The following OPCML variants were observed in gnomAD, a reference collection of about 807,000 sequenced individuals.
OPCML encodes opioid binding protein/cell adhesion molecule like.
In OPCML, 13 loss-of-function variants were observed where a neutral mutation model predicts 37.8. That is an observed-to-expected ratio of 0.34 (90% CI 0.22 to 0.55). The LOEUF (loss-of-function observed/expected upper bound fraction) is 0.55, where lower values mean the gene tolerates loss of function less well. Ranked by LOEUF, OPCML falls within the 20% of genes least tolerant of loss-of-function variation. The probability of loss-of-function intolerance (pLI) is 0.91; values close to 1 mark genes in which losing one functional copy is unlikely to be tolerated. For synonymous variants in OPCML, 176 were observed against 168.8 expected (o/e 1.04, Z -0.33); for missense variants, 341 against 435.6 (o/e 0.78, Z 1.93).
At chr11:132,501,880 T>TA (rs2096246414) in intron 4 of OPCML, among the ~76,000 whole-genome samples, 1 of 152,224 alleles carries the variant, frequency 6.6e-6, no homozygotes, top group Non-Finnish European at 1.5e-5. Flanking sequence ...TCCTATCTGC[T>TA]ATATCTTGAA....
Position 133,377,444 on chromosome 11 carries a change from G to C in OPCML, c.61+154820C>G, listed in dbSNP as rs141114417. Among the ~76,000 whole-genome samples, 27 of 151,928 alleles carry C rather than the reference G, an allele frequency of 1.8e-4. No individual in the cohort carries two copies. The East Asian group carries it at 5.1e-3, about 28-fold the overall frequency. ...GCCGATTGAAGATACCAGGATGGCA[G>C]GCAAAGGCAAGATGTGGGAAGGATG... is the stretch of plus-strand genomic sequence containing the variant. On this transcript the variant is annotated intron_variant, in intron 1 of 7. Transcript: ENST00000524381.
chr11:132,848,467 C>T (rs990360467), intron 2 of OPCML, among the ~76,000 whole-genome samples: 5 of 152,176 alleles, frequency 3.3e-5, no homozygotes, highest in African/African-American at 9.7e-5. Context: ...TGTGGATGCA[C>T]GCAGAATATT....
In OPCML at chr11:132,680,406, C is replaced by T. The variant is rs1285659802; in HGVS notation, c.147-23087G>A. Among the ~76,000 whole-genome samples the T allele has an allele frequency of 2.0e-5, 3 of 152,162 alleles. No individual in the cohort carries two copies. The East Asian group carries it at 5.8e-4, about 29-fold the overall frequency. The stretch of plus-strand genomic sequence containing the variant: ...CTCCCAGATTGGAGAGAAACCCACC[C>T]CTTGAAGAAGTGCTAAAACATATCC... On this transcript the variant is annotated intron_variant, in intron 2 of 7. Coordinates refer to ENST00000524381, the MANE Select transcript of OPCML (RefSeq NM_001012393.5).
intron 2 of OPCML, among the ~76,000 whole-genome samples, chr11:132,689,144 T>C (rs1943301422): frequency 6.6e-6 from 1 of 152,146 alleles, no homozygotes; most frequent in South Asian, 2.1e-4. Flanking sequence ...TCCATAATTA[T>C]TTTTAATACA....
intron 1 of OPCML, among the ~76,000 whole-genome samples, chr11:133,149,491 T>C (rs1210475042): frequency 1.3e-5 from 2 of 152,242 alleles, no homozygotes; most frequent in Admixed American, 6.5e-5. Flanking sequence ...AAAGAAGACA[T>C]ACAATTTACA....
At chr11:132,741,021 T>C (rs1293322359) in intron 2 of OPCML, among the ~76,000 whole-genome samples, 1 of 152,216 alleles carries the variant, frequency 6.6e-6, no homozygotes, top group Non-Finnish European at 1.5e-5. Flanking sequence ...CAGCATCCAC[T>C]GGGTGCCAGC....
intron 1 of OPCML, among the ~76,000 whole-genome samples, chr11:133,037,751 C>T (rs1204204717): frequency 6.6e-6 from 1 of 152,184 alleles, no homozygotes; most frequent in Admixed American, 6.5e-5. Flanking sequence ...CACTTACCTT[C>T]AAAGAAGAGC....
chr11:132,996,671 C>G (rs1301934508), intron 1 of OPCML, among the ~76,000 whole-genome samples: 1 of 146,832 alleles, frequency 6.8e-6, no homozygotes, highest in Admixed American at 6.8e-5. Flanking sequence ...ATTTTTTTTT[C>G]CCCGGAGCCA....
intron 2 of OPCML, among the ~76,000 whole-genome samples, chr11:132,693,587 G>C (rs989443796): frequency 2.0e-5 from 3 of 152,210 alleles, no homozygotes; most frequent in Non-Finnish European, 2.9e-5. Context: ...ATACTTCATG[G>C]TAAGTGTTCT....
intron 3 of OPCML, among the ~76,000 whole-genome samples, chr11:132,545,540 A>G (rs183363653): frequency 6.6e-6 from 1 of 152,184 alleles, no homozygotes; most frequent in Non-Finnish European, 1.5e-5. Context: ...TCAAACACCA[A>G]TCTACTTTCA....
chr11:133,145,393 A>G (rs1469556499), intron 1 of OPCML, among the ~76,000 whole-genome samples: 1 of 152,224 alleles, frequency 6.6e-6, no homozygotes, highest in Non-Finnish European at 1.5e-5. Flanking sequence ...GTAGCAAGAC[A>G]GAACCTCTTA....
intron 1 of OPCML, among the ~76,000 whole-genome samples, chr11:133,192,865 CTTTTCT>C (rs926333935): frequency 2.8e-5 from 4 of 143,224 alleles, no homozygotes; most frequent in African/African-American, 7.9e-5. Context: ...GTTTTCTTTT[CTTTTCT>C]TTTTTTTTTT....
intron 1 of OPCML, among the ~76,000 whole-genome samples, chr11:133,227,559 T>A (rs1353426041): frequency 1.3e-5 from 2 of 151,980 alleles, no homozygotes; most frequent in African/African-American, 4.8e-5. Flanking sequence ...ACCGAAACTT[T>A]AAATATACCG....
At chr11:132,986,890 T>C (rs1054063087) in intron 1 of OPCML, among the ~76,000 whole-genome samples, 2 of 152,174 alleles carry the variant, frequency 1.3e-5, no homozygotes, top group African/African-American at 2.4e-5. Flanking sequence ...ATTCCAATAA[T>C]GAGTCTTGAA....
intron 1 of OPCML, among the ~76,000 whole-genome samples, chr11:133,126,522 C>T (rs141087212): frequency 6.6e-6 from 1 of 152,252 alleles, no homozygotes; most frequent in East Asian, 1.9e-4. Context: ...GCACAGAGGA[C>T]AATGGACAAA....
chr11:133,386,208 T>C (rs1945045897), intron 1 of OPCML, among the ~76,000 whole-genome samples: 1 of 152,218 alleles, frequency 6.6e-6, no homozygotes, highest in Non-Finnish European at 1.5e-5. Flanking sequence ...CAACCCAGTT[T>C]TTTCTTTCTT....
intron 1 of OPCML, among the ~76,000 whole-genome samples, chr11:133,204,862 A>G (rs1455036390): frequency 2.8e-5 from 1 of 35,242 alleles, no homozygotes; most frequent in Non-Finnish European, 4.8e-5. Context: ...ATATATATAT[A>G]TATGTGTATA....
intron 2 of OPCML, among the ~76,000 whole-genome samples, chr11:132,770,897 G>A (rs748925951): frequency 1.3e-5 from 2 of 152,160 alleles, no homozygotes; most frequent in Non-Finnish European, 2.9e-5. Flanking sequence ...TGTATTTCCC[G>A]GGGTTAAGGC....
At chr11:133,382,722 C>T (rs745446526) in intron 1 of OPCML, among the ~76,000 whole-genome samples, 12 of 152,120 alleles carry the variant, frequency 7.9e-5, no homozygotes, top group Non-Finnish European at 1.6e-4. Context: ...CAGCAGGCAA[C>T]GAGGGCTTTT....
Sources: allele counts gnomAD v4.1 joint callset (sites outside exome capture counted in the v4.1 genomes callset), GRCh38; gene constraint gnomAD v4.1.1; transcripts MANE v1.5; gene names NCBI Gene and HGNC (gene_info 2026-07-23, HGNC 2026-07-21).